The following BOD1L1 variants were observed in gnomAD, a reference collection of about 807,000 sequenced individuals.
The protein encoded by BOD1L1 is biorientation of chromosomes in cell division protein 1-like 1.
BOD1L1 carries 86 observed loss-of-function variants against 240.7 expected under a neutral mutation model. The observed-to-expected ratio is 0.36, with a 90% CI of 0.30 to 0.43. The LOEUF is 0.43. BOD1L1 is among the 20% of genes least tolerant of loss of function. The probability of loss-of-function intolerance (pLI) is 1.00; values close to 1 mark genes in which losing one functional copy is unlikely to be tolerated. For synonymous variants in BOD1L1, 1,268 were observed against 1,272.3 expected, an observed-to-expected ratio of 1.00 and a Z score of 0.07; for missense variants, 3,554 against 3,643.5, an observed-to-expected ratio of 0.98 and a Z score of 0.63.
chr4:13,584,767 G>A (rs982921648), intron 17 of BOD1L1, among the ~76,000 whole-genome samples: 2 of 150,358 alleles, frequency 1.3e-5, no homozygotes, highest in African/African-American at 5.0e-5. Context: ...ATTCAATTTT[G>A]GTCTTTTGGT....
rs1349812969 is a variant in BOD1L1 at position 13,587,684 on chromosome 4, CAT to C, written c.8353+13_8353+14del. ...TTTTCAAAGATGTCTAAAACAGAAA[CAT>C]AAATATAAATACCTGGTTCATCTTC... is the stretch of plus-strand genomic sequence containing the variant. On this transcript the variant is annotated intron_variant, in intron 16 of 25. Transcript: ENST00000040738. The C allele has an allele frequency of 9.9e-6, 15 of 1,520,626 alleles. No homozygotes were observed. The highest frequency in any genetic ancestry group is 1.3e-5 in the Non-Finnish European group (15 of 1,119,912). The allele number at this position is 1,520,626 out of a possible 1,614,324, so 94.2% of individuals were successfully genotyped here.
At chr4:13,614,053 G>T in intron 4 of BOD1L1, 143 bp downstream of exon 4, 1 of 680,724 alleles carries the variant, frequency 1.5e-6, no homozygotes, top group Non-Finnish European at 2.3e-6. Context: ...AATATTTATT[G>T]CTTTTTTTCT....
At position 13,599,441 on chromosome 4, in the gene BOD1L1, C is replaced by G. The variant is rs766209160; in HGVS notation, c.7459G>C (p.Ala2487Pro). 1 of 1,613,902 alleles carries G rather than the reference C, an allele frequency of 6.2e-7. No individual in the cohort carries two copies. The highest frequency in any genetic ancestry group is 1.3e-5 in the African/African-American group (1 of 74,930). ...ETGTAGGSST[A>P]SYSAGRGLEG... The stretch of plus-strand genomic sequence containing the variant: ...AAGCCCCTTCCTGCTGAATAACTTG[C>G]TGTGCTACTGCCCCCTGCTGTCCCT... The change falls in exon 10 of 26, where the codon GCA becomes CCA. Residue 2487 changes from alanine to proline, a missense_variant. By Grantham distance (27) the Ala-to-Pro change is conservative. Transcript: ENST00000040738.
Position 13,599,463 on chromosome 4 carries a change from C to T in BOD1L1, c.7437G>A (p.Gly2479=). 4 of 1,614,008 alleles carry T rather than the reference C, an allele frequency of 2.5e-6. No homozygotes were observed. Among genetic ancestry groups the T allele is most frequent in the Non-Finnish European group, 3.4e-6 (4 of 1,179,886 alleles). Residue 2479 remains glycine (G), a synonymous_variant, in exon 10 of 26, where the codon GGG becomes GGA. Transcript: ENST00000040738. ...LQKEDKSPET[G]TAGGSSTASY... ...TTGCTGTGCTACTGCCCCCTGCTGT[C>T]CCTGTCTCTGGGCTCTTATCTTCTT...
intron 7 of BOD1L1, 46 bp downstream of exon 7, chr4:13,609,249 T>G (rs955515955): frequency 8.9e-7 from 1 of 1,119,872 alleles, no homozygotes. Context: ...CAGAAAATAA[T>G]GAAATATATG....
chr4:13,588,504 G>A (rs1274337756), intron 15 of BOD1L1, among the ~76,000 whole-genome samples: 1 of 152,170 alleles, frequency 6.6e-6, no homozygotes, highest in Non-Finnish European at 1.5e-5. Context: ...AAACCATTCT[G>A]ACTGTACAAC....
At chr4:13,619,305 T>TTA (rs33942808) in intron 2 of BOD1L1, among the ~76,000 whole-genome samples, 2 of 130,796 alleles carry the variant, frequency 1.5e-5, no homozygotes, top group African/African-American at 2.9e-5. Flanking sequence ...TGAGACTCTT[T>TTA]AAAAAAAAAA....
In BOD1L1 at chr4:13,601,494, C is replaced by T. The variant is rs200617527; in HGVS notation, c.5406G>A (p.Gly1802=). 3 of 1,614,014 alleles carry T rather than the reference C, an allele frequency of 1.9e-6. No homozygotes were observed. Among genetic ancestry groups the T allele is most frequent in the Non-Finnish European group, 2.5e-6 (3 of 1,179,878 alleles). ...CTTCTGAACCTGTGCAACTTGCTGG[C>T]CCCTCTCCATCTTCTGTTATCCCCG... ...TSTGITEDGE[G]PASCTGSEDS... is the part of the protein sequence containing the mutation. Residue 1802 remains glycine (G), a synonymous_variant, in exon 10 of 26, where the codon GGG becomes GGA. Transcript: ENST00000040738.
At position 13,627,685 on chromosome 4, in the gene BOD1L1, T is replaced by C; in HGVS notation, c.-98A>G. 1 of 986,034 alleles carries C rather than the reference T, an allele frequency of 1.0e-6. No individual in the cohort carries two copies. Among genetic ancestry groups the C allele is most frequent in the Non-Finnish European group, 1.2e-6 (1 of 825,362 alleles). 61.1% of individuals were successfully genotyped at this position (986,034 alleles called of 1,614,324 possible). A position where few individuals can be genotyped will look rare whatever the true frequency, so the allele number is the denominator to read the frequency against. ...CGCCGCCTGAGGGAAGCCAACGGGA[T>C]GTTGTTACGGAACCAGCGGATCCAG... On this transcript the variant is annotated 5_prime_UTR_variant, in exon 1 of 26. Coordinates refer to ENST00000040738, the MANE Select transcript of BOD1L1 (RefSeq NM_148894.3).
chr4:13,573,478 T>A (rs61795287), intron 25 of BOD1L1, among the ~76,000 whole-genome samples: 1,553 of 41,442 alleles, frequency 0.037, 33 homozygotes, highest in African/African-American at 0.064. Flanking sequence ...CTATCTTTCT[T>A]TCTTTCTTTC....
chr4:13,608,538 T>C lies in BOD1L1; in HGVS notation c.1734A>G (p.Lys578=), dbSNP rs755502564. The change falls in exon 8 of 26, where the codon AAA becomes AAG. Residue 578 remains lysine, a synonymous_variant. Coordinates refer to ENST00000040738, the MANE Select transcript of BOD1L1 (RefSeq NM_148894.3). ...KKVALSKKRK[K]DSRNVEENSK... ...CCAGATAAAATATGTACCTTGAATC[T>C]TTTTTTCTCTTTTTGCTTAAGGCTA... 37 of 1,534,360 alleles carry C rather than the reference T, an allele frequency of 2.4e-5. No homozygotes were observed. Among genetic ancestry groups the C allele is most frequent in the Non-Finnish European group, 3.1e-5 (35 of 1,144,478 alleles).
intron 2 of BOD1L1, among the ~76,000 whole-genome samples, chr4:13,615,870 G>A (rs1314553531): frequency 1.3e-5 from 2 of 152,102 alleles, no homozygotes; most frequent in East Asian, 3.8e-4. Context: ...TTAAAAAGCT[G>A]AGTTCTGGGT....
At chr4:13,620,115 A>G (rs1239071651) in intron 1 of BOD1L1, 48 bp from the exon 2 acceptor site, 19 of 1,512,432 alleles carry the variant, frequency 1.3e-5, no homozygotes, top group Non-Finnish European at 1.7e-5. Flanking sequence ...TACAGTATCA[A>G]TATTCACCTC....
At chr4:13,620,335 T>C (rs1716952967) in intron 1 of BOD1L1, among the ~76,000 whole-genome samples, 1 of 152,064 alleles carries the variant, frequency 6.6e-6, no homozygotes, top group African/African-American at 2.4e-5. Flanking sequence ...ATTAGATGAT[T>C]TGGAGTAAAA....
intron 5 of BOD1L1, among the ~76,000 whole-genome samples, chr4:13,611,675 A>G (rs1204396621): frequency 6.6e-6 from 1 of 152,248 alleles, no homozygotes; most frequent in Non-Finnish European, 1.5e-5. Context: ...TCAGCCTAAC[A>G]GCCTCCATCT....
At chr4:13,589,504 C>T (rs1033903161) in intron 14 of BOD1L1, among the ~76,000 whole-genome samples, 1 of 152,172 alleles carries the variant, frequency 6.6e-6, no homozygotes, top group African/African-American at 2.4e-5. Context: ...TAGAACGCTG[C>T]TGAATGAGCA....
At position 13,600,404 on chromosome 4, in the gene BOD1L1, C is replaced by G. The variant is rs748934411; in HGVS notation, c.6496G>C (p.Glu2166Gln). 6 of 1,613,874 alleles carry G rather than the reference C, an allele frequency of 3.7e-6. No homozygotes were observed. The African/African-American group carries it at 8.0e-5, about 22-fold the overall frequency. The change falls in exon 10 of 26, where the codon GAA becomes CAA. Residue 2166 changes from glutamate to glutamine, a missense_variant. By Grantham distance (29) the Glu-to-Gln change is conservative (BLOSUM62 2). Transcript: ENST00000040738. ...ISSATTIKCAESLQPVAAAVE... is the reference protein window; with the variant it reads ...ISSATTIKCAQSLQPVAAAVE... ...GCTGCAGCAACCGGCTGAAGACTTTCAGCACACTTGATGGTTGTTGCACTG... is the reference window on the plus strand; with the variant it reads ...GCTGCAGCAACCGGCTGAAGACTTTGAGCACACTTGATGGTTGTTGCACTG...
intron 2 of BOD1L1, among the ~76,000 whole-genome samples, chr4:13,616,385 G>A (rs1716595818): frequency 6.6e-6 from 1 of 152,190 alleles, no homozygotes; most frequent in Admixed American, 6.5e-5. Context: ...AAGAGAAGGG[G>A]AAGAAAGACA....
chr4:13,573,150 C>A (rs186969920), intron 25 of BOD1L1, among the ~76,000 whole-genome samples: 1 of 152,198 alleles, frequency 6.6e-6, no homozygotes, highest in East Asian at 1.9e-4. Context: ...AAGAGCTCAT[C>A]AGGGTAGAAT....
Sources: gnomAD v4.1 joint callset for allele counts (sites outside exome capture counted in the v4.1 genomes callset) on GRCh38, gnomAD v4.1.1 for gene constraint, MANE v1.5 for transcripts, NCBI Gene and HGNC (gene_info 2026-07-23, HGNC 2026-07-21) for gene names.